The following GPA33 variants were observed in gnomAD, a reference collection of about 807,000 sequenced individuals.
The protein encoded by GPA33 is cell surface A33 antigen.
GPA33 carries 27 observed loss-of-function variants against 35.6 expected under a neutral mutation model. The ratio of observed to expected loss-of-function variants is 0.76; its 90% confidence interval spans 0.56 to 1.04. The LOEUF (loss-of-function observed/expected upper bound fraction) is 1.04, where lower values mean the gene tolerates loss of function less well. Among genes scored for constraint, GPA33 ranks in the 50% least tolerant of loss-of-function variants. The pLI, the probability that GPA33 is intolerant of heterozygous loss-of-function variation, is 0.00. For missense variants in GPA33, 428 were observed against 411.9 expected, an observed-to-expected ratio of 1.04 and a Z score of -0.34; for synonymous variants, 176 against 164.0, an observed-to-expected ratio of 1.07 and a Z score of -0.56.
At chr1:167,069,829 C>T (rs1350925669) in intron 2 of GPA33, among the ~76,000 whole-genome samples, 1 of 152,186 alleles carries the variant, frequency 6.6e-6, no homozygotes, top group Non-Finnish European at 1.5e-5. Context: ...TAGTAATATA[C>T]ACAAAGCAGT....
At chr1:167,054,934 C>T (rs765041543) in intron 6 of GPA33, 42 bp downstream of exon 6, 3 of 1,605,556 alleles carry the variant, frequency 1.9e-6, no homozygotes, top group Admixed American at 1.7e-5. Flanking sequence ...TATTTCCAGT[C>T]TCCCCAGACC....
At chr1:167,056,657 G>GT (rs1666275207) in intron 4 of GPA33, among the ~76,000 whole-genome samples, 5 of 23,890 alleles carry the variant, frequency 2.1e-4, no homozygotes, top group East Asian at 1.2e-3. Context: ...TAGTGTGTGT[G>GT]GTACGGTGAG....
intron 1 of GPA33, among the ~76,000 whole-genome samples, chr1:167,080,986 G>A (rs561489184): frequency 6.6e-6 from 1 of 152,318 alleles, no homozygotes; most frequent in East Asian, 1.9e-4. Flanking sequence ...AAGGACCAAA[G>A]GAGCCCCAGA....
chr1:167,085,218 A>G (rs1667025320), intron 1 of GPA33, among the ~76,000 whole-genome samples: 1 of 152,198 alleles, frequency 6.6e-6, no homozygotes, highest in Non-Finnish European at 1.5e-5. Context: ...GGACTCTGAC[A>G]TTTCATGGCA....
At chr1:167,056,867 G>A (rs1265948427) in intron 4 of GPA33, among the ~76,000 whole-genome samples, 15 of 19,164 alleles carry the variant, frequency 7.8e-4, no homozygotes, top group Middle Eastern at 0.042. Context: ...GTGTGTGTGT[G>A]GTGTGTGGTG....
chr1:167,072,874 G>A (rs1666748120), intron 2 of GPA33, among the ~76,000 whole-genome samples: 1 of 152,030 alleles, frequency 6.6e-6, no homozygotes, highest in Admixed American at 6.6e-5. Flanking sequence ...AGGAAAGTGG[G>A]GGATAGAGGA....
chr1:167,064,490 T>A (rs797013965), intron 3 of GPA33, among the ~76,000 whole-genome samples: 1 of 152,104 alleles, frequency 6.6e-6, no homozygotes, highest in African/African-American at 2.4e-5. Context: ...TTTGGGAAAA[T>A]CCTCACTTCC....
At chr1:167,068,277 G>T (rs1276264505) in intron 3 of GPA33, among the ~76,000 whole-genome samples, 1 of 152,142 alleles carries the variant, frequency 6.6e-6, no homozygotes, top group Non-Finnish European at 1.5e-5. Context: ...TTCCAATAAC[G>T]ATTTGACTTT....
intron 4 of GPA33, among the ~76,000 whole-genome samples, chr1:167,059,099 T>C (rs1470706584): frequency 2.0e-5 from 3 of 152,062 alleles, no homozygotes; most frequent in Admixed American, 6.5e-5. Context: ...CTAGGCCTTG[T>C]TTAGGGTGGG....
chr1:167,073,940 A>T (rs1376457148), intron 1 of GPA33, among the ~76,000 whole-genome samples: 2 of 152,078 alleles, frequency 1.3e-5, no homozygotes, highest in African/African-American at 4.8e-5. Context: ...GCGCATAGAA[A>T]ACTCTCAATA....
chr1:167,086,546 C>T (rs1266440545), intron 1 of GPA33, among the ~76,000 whole-genome samples: 2 of 152,344 alleles, frequency 1.3e-5, no homozygotes, highest in Non-Finnish European at 2.9e-5. Context: ...TCCACACGAA[C>T]ATGGCACTTC....
At chr1:167,068,754 G>A (rs925073150) in intron 3 of GPA33, among the ~76,000 whole-genome samples, 168 bp downstream of exon 3, 2 of 152,198 alleles carry the variant, frequency 1.3e-5, no homozygotes, top group African/African-American at 4.8e-5. Flanking sequence ...ATAGTGTTTA[G>A]TTCCAAAGGG....
chr1:167,056,747 T>TGTGTGCA (rs1666294294), intron 4 of GPA33, among the ~76,000 whole-genome samples: 1 of 2,206 alleles, frequency 4.5e-4, no homozygotes, highest in Non-Finnish European at 9.4e-4. Context: ...GTGTGTGTGG[T>TGTGTGCA]GTGTGTATGG....
chr1:167,088,583 G>A (rs1414261757), intron 1 of GPA33, among the ~76,000 whole-genome samples: 3 of 152,200 alleles, frequency 2.0e-5, no homozygotes, highest in African/African-American at 7.2e-5. Flanking sequence ...GACTCGTTCT[G>A]CTGGGTGAGT....
chr1:167,057,894 A>C (rs1346449933), intron 4 of GPA33, among the ~76,000 whole-genome samples: 1 of 152,250 alleles, frequency 6.6e-6, no homozygotes, highest in Admixed American at 6.5e-5. Context: ...GGAGCCATTG[A>C]TAATTTTCTT....
At chr1:167,087,929 C>CACACACACACACACACAG (rs1403114821) in intron 1 of GPA33, among the ~76,000 whole-genome samples, 2 of 151,980 alleles carry the variant, frequency 1.3e-5, no homozygotes, top group Non-Finnish European at 2.9e-5. Context: ...CACACACACA[C>CACACACACACACACACAG]ACAAAGCAGA....
chr1:167,062,694 C>T (rs959442469), intron 4 of GPA33, among the ~76,000 whole-genome samples: 1 of 125,890 alleles, frequency 7.9e-6, no homozygotes, highest in Admixed American at 1.0e-4. Flanking sequence ...AGGTCCAATA[C>T]CAAGCTGCCC....
intron 4 of GPA33, among the ~76,000 whole-genome samples, chr1:167,060,233 A>G (rs1416992385): frequency 6.6e-6 from 1 of 152,052 alleles, no homozygotes; most frequent in Non-Finnish European, 1.5e-5. Flanking sequence ...CCACCATGCC[A>G]GGCTAATTTT....
At chr1:167,066,822 G>A (rs1666602626) in intron 3 of GPA33, among the ~76,000 whole-genome samples, 1 of 152,180 alleles carries the variant, frequency 6.6e-6, no homozygotes, top group African/African-American at 2.4e-5. Flanking sequence ...AGAGGCCGGA[G>A]CACCGGGTCC....
Sources: gnomAD v4.1 joint callset for allele counts (sites outside exome capture counted in the v4.1 genomes callset) on GRCh38, gnomAD v4.1.1 for gene constraint, MANE v1.5 for transcripts, NCBI Gene and HGNC (gene_info 2026-07-23, HGNC 2026-07-21) for gene names.